Variants in CNTN4 observed in about 807,000 individuals in gnomAD.
CNTN4 encodes the protein contactin-4.
CNTN4 carries 77 observed loss-of-function variants against 122.5 expected under a neutral mutation model. The observed-to-expected ratio is 0.63, with a 90% CI of 0.52 to 0.76. CNTN4 has a LOEUF of 0.76. Among genes scored for constraint, CNTN4 ranks in the 30% least tolerant of loss-of-function variants. The probability of loss-of-function intolerance (pLI) is 0.00; values close to 1 mark genes in which losing one functional copy is unlikely to be tolerated. For missense variants in CNTN4, 1,256 were observed against 1,259.1 expected, an observed-to-expected ratio of 1.00 and a Z score of 0.04; for synonymous variants, 512 against 447.0, an observed-to-expected ratio of 1.15 and a Z score of -1.83.
chr3:2,361,735 G>T (rs1425935607), intron 3 of CNTN4, among the ~76,000 whole-genome samples: 1 of 152,116 alleles, frequency 6.6e-6, no homozygotes, highest in Non-Finnish European at 1.5e-5. Flanking sequence ...AACTTCTCTT[G>T]TACTATTGTG....
chr3:2,597,302 G>A (rs1365832531), intron 4 of CNTN4, among the ~76,000 whole-genome samples: 1 of 152,076 alleles, frequency 6.6e-6, no homozygotes, highest in Non-Finnish European at 1.5e-5. Flanking sequence ...TACAACATTG[G>A]GTTGCAAAGG....
At chr3:2,535,000 C>T (rs1370753617) in intron 3 of CNTN4, among the ~76,000 whole-genome samples, 1 of 152,096 alleles carries the variant, frequency 6.6e-6, no homozygotes, top group Non-Finnish European at 1.5e-5. Context: ...CAAAGCCTTG[C>T]TTCAGCTCTA....
At chr3:2,375,091 A>G (rs949772181) in intron 3 of CNTN4, among the ~76,000 whole-genome samples, 11 of 152,232 alleles carry the variant, frequency 7.2e-5, no homozygotes, top group African/African-American at 2.7e-4. Flanking sequence ...TCAGTCAAAA[A>G]AGGTTTTATG....
intron 4 of CNTN4, among the ~76,000 whole-genome samples, chr3:2,722,614 G>T (rs1417818288): frequency 6.6e-6 from 1 of 151,962 alleles, no homozygotes; most frequent in African/African-American, 2.4e-5. Flanking sequence ...CTAAGAAAAC[G>T]TTTTTTTCCT....
At chr3:2,204,496 T>G (rs2038247395) in intron 2 of CNTN4, among the ~76,000 whole-genome samples, 1 of 152,234 alleles carries the variant, frequency 6.6e-6, no homozygotes, top group Admixed American at 6.5e-5. Context: ...GTATCTCTAC[T>G]TGTTTTATTG....
chr3:2,780,949 C>T (rs2091544106), intron 6 of CNTN4, among the ~76,000 whole-genome samples: 1 of 152,132 alleles, frequency 6.6e-6, no homozygotes, highest in Admixed American at 6.6e-5. Context: ...TTTTGTTCTA[C>T]ATTTAAATAC....
intron 2 of CNTN4, among the ~76,000 whole-genome samples, chr3:2,234,413 G>T (rs2039607233): frequency 6.7e-6 from 1 of 149,666 alleles, no homozygotes; most frequent in East Asian, 2.0e-4. Flanking sequence ...CATTGCGTCT[G>T]GCTAAGACTT....
At chr3:2,758,472 A>G (rs1319086967) in intron 6 of CNTN4, among the ~76,000 whole-genome samples, 1 of 152,066 alleles carries the variant, frequency 6.6e-6, no homozygotes, top group Non-Finnish European at 1.5e-5. Flanking sequence ...TTCACCTAGA[A>G]AAAAACTCAT....
chr3:2,826,905 A>G (rs899749169), intron 7 of CNTN4, among the ~76,000 whole-genome samples: 6 of 152,008 alleles, frequency 3.9e-5, no homozygotes, highest in African/African-American at 1.2e-4. Context: ...ATAATTTTAG[A>G]TTTTCAGCTG....
chr3:2,193,294 C>G (rs1354096370), intron 2 of CNTN4, among the ~76,000 whole-genome samples: 1 of 151,428 alleles, frequency 6.6e-6, no homozygotes, highest in South Asian at 2.1e-4. Context: ...CTGACTTGTC[C>G]TAAAGCCTCA....
chr3:2,379,782 C>T (rs953978623), intron 3 of CNTN4, among the ~76,000 whole-genome samples: 21 of 152,164 alleles, frequency 1.4e-4, no homozygotes, highest in African/African-American at 3.4e-4. Flanking sequence ...TGGCCGGGCG[C>T]GGTGGCTCAC....
At chr3:2,773,759 A>G (rs997439315) in intron 6 of CNTN4, among the ~76,000 whole-genome samples, 5 of 42,178 alleles carry the variant, frequency 1.2e-4, no homozygotes, top group African/African-American at 1.7e-4. Context: ...TCAATGTAGT[A>G]GACTTTTTTT....
chr3:2,702,648 T>C (rs2086421670), intron 4 of CNTN4, among the ~76,000 whole-genome samples: 1 of 152,186 alleles, frequency 6.6e-6, no homozygotes, highest in Admixed American at 6.5e-5. Context: ...TAGGACATCT[T>C]TTGGGTGAGC....
At chr3:2,727,903 C>A (rs1449196827) in intron 4 of CNTN4, among the ~76,000 whole-genome samples, 3 of 152,168 alleles carry the variant, frequency 2.0e-5, no homozygotes, top group African/African-American at 4.8e-5. Context: ...GAAGCAATGA[C>A]AAATGAAAGT....
chr3:2,381,305 C>T (rs548328770), intron 3 of CNTN4, among the ~76,000 whole-genome samples: 1 of 152,276 alleles, frequency 6.6e-6, no homozygotes, highest in South Asian at 2.1e-4. Context: ...TGCGCCTGGC[C>T]TTGTTTTGTT....
At chr3:2,370,315 A>G (rs1392423579) in intron 3 of CNTN4, among the ~76,000 whole-genome samples, 2 of 152,218 alleles carry the variant, frequency 1.3e-5, no homozygotes, top group South Asian at 4.1e-4. Flanking sequence ...AAACCTCAGT[A>G]ATGATATTAT....
chr3:2,300,857 C>G (rs915791886), intron 2 of CNTN4, among the ~76,000 whole-genome samples: 1 of 152,022 alleles, frequency 6.6e-6, no homozygotes, highest in Non-Finnish European at 1.5e-5. Context: ...GTGTGAGCCA[C>G]CGTGCCTGGC....
intron 6 of CNTN4, among the ~76,000 whole-genome samples, chr3:2,762,997 A>AGTGGC (rs1485256352): frequency 2.2e-5 from 3 of 135,396 alleles, no homozygotes; most frequent in Non-Finnish European, 3.0e-5. Context: ...GCTGGAGTGC[A>AGTGGC]GTGGCTCGAT....
chr3:2,160,681 A>G (rs2035926209), intron 2 of CNTN4, among the ~76,000 whole-genome samples: 1 of 152,084 alleles, frequency 6.6e-6, no homozygotes, highest in African/African-American at 2.4e-5. Flanking sequence ...AATGTTTCCA[A>G]ACCAAAGAAA....
Sources: allele counts gnomAD v4.1 joint callset (sites outside exome capture counted in the v4.1 genomes callset), GRCh38; gene constraint gnomAD v4.1.1; transcripts MANE v1.5; gene names NCBI Gene and HGNC (gene_info 2026-07-23, HGNC 2026-07-21).